The following OR52E5 variants were observed in gnomAD, a reference collection of about 807,000 sequenced individuals.
The protein encoded by OR52E5 is olfactory receptor 52E5.
intron 2 of OR52E5, among the ~76,000 whole-genome samples, chr11:5,896,017 C>CCAGCCTGGGAAA (rs1195211166): frequency 5.3e-5 from 8 of 150,856 alleles, no homozygotes; most frequent in African/African-American, 2.0e-4. Flanking sequence ...CCAGTGTACT[C>CCAGCCTGGGAAA]CAGCCTGGGA....
In OR52E5 at chr11:5,902,508, AC is replaced by A. The variant is rs1847269666; in HGVS notation, c.*750del. The A allele has an allele frequency of 1.4e-5, 2 of 141,794 alleles. No individual in the cohort carries two copies. The highest frequency in any genetic ancestry group is 1.4e-4 in the Admixed American group (2 of 14,010). The allele number at this position is 141,794 out of a possible 1,614,324, so 8.8% of individuals were successfully genotyped here. On this transcript the variant is annotated 3_prime_UTR_variant, in exon 3 of 3. Transcript: ENST00000610445. ...CCTCTTCATGGACCTCTCAGCTCTTACCTTCGTGAAAGAGACTTTCAGTCAG... is the reference window on the plus strand; with the variant it reads ...CCTCTTCATGGACCTCTCAGCTCTTACTTCGTGAAAGAGACTTTCAGTCAG...
intron 2 of OR52E5, among the ~76,000 whole-genome samples, chr11:5,899,297 T>A (rs940841558): frequency 1.3e-5 from 2 of 152,164 alleles, no homozygotes; most frequent in African/African-American, 4.8e-5. Flanking sequence ...AACTTTCCTA[T>A]AATCAGATCC....
intron 2 of OR52E5, among the ~76,000 whole-genome samples, chr11:5,896,643 G>T (rs1847180059): frequency 6.6e-6 from 1 of 152,070 alleles, no homozygotes; most frequent in South Asian, 2.1e-4. Flanking sequence ...TCATGATGAT[G>T]ATTACAGTTA....
In OR52E5 at chr11:5,902,317, C is replaced by T. The variant is rs1847266890; in HGVS notation, c.*557C>T. The T allele has an allele frequency of 1.3e-5, 2 of 152,438 alleles. No individual in the cohort carries two copies. The highest frequency in any genetic ancestry group is 4.8e-5 in the African/African-American group (2 of 41,454). The allele number at this position is 152,438 out of a possible 1,614,324, so 9.4% of individuals were successfully genotyped here. On this transcript the variant is annotated 3_prime_UTR_variant, in exon 3 of 3. Coordinates refer to ENST00000610445, the MANE Select transcript of OR52E5 (RefSeq NM_001005166.5). The stretch of plus-strand genomic sequence containing the variant: ...GTGAATGTTGTGAAAATCTGTGCAG[C>T]TTGTAAAACATTAAAAGATTTGGAA...
intron 2 of OR52E5, among the ~76,000 whole-genome samples, chr11:5,897,480 G>A (rs1253422401): frequency 1.3e-5 from 2 of 152,180 alleles, no homozygotes; most frequent in South Asian, 2.1e-4. Context: ...TTATGGCTGT[G>A]TACTTTTCTA....
At chr11:5,897,795 T>A (rs1564996877) in intron 2 of OR52E5, among the ~76,000 whole-genome samples, 1 of 152,200 alleles carries the variant, frequency 6.6e-6, no homozygotes, top group Non-Finnish European at 1.5e-5. Context: ...TTTTTTCACT[T>A]TTTAATAATA....
rs559274642 is a variant in OR52E5, at chr11:5,901,886, T to C, written c.*126T>C. 259 of 398,848 alleles carry C rather than the reference T, an allele frequency of 6.5e-4. No individual in the cohort carries two copies. Among genetic ancestry groups the C allele is most frequent in the Non-Finnish European group, 6.5e-4 (147 of 225,254 alleles). The allele number at this position is 398,848 out of a possible 1,614,324, so 24.7% of individuals were successfully genotyped here. On this transcript the variant is annotated 3_prime_UTR_variant, in exon 3 of 3. Coordinates refer to ENST00000610445, the MANE Select transcript of OR52E5 (RefSeq NM_001005166.5). The stretch of plus-strand genomic sequence containing the variant: ...TTTCAGTACGGTCTGTTGGAAGTTA[T>C]AGCTCAAAGATTCCAAAACAATCTC...
intron 2 of OR52E5, among the ~76,000 whole-genome samples, chr11:5,900,378 A>G (rs939101263): frequency 1.1e-3 from 3 of 2,754 alleles, no homozygotes; most frequent in Non-Finnish European, 2.1e-3. Context: ...GACATTTTAC[A>G]CACACACACA....
intron 2 of OR52E5, among the ~76,000 whole-genome samples, chr11:5,898,722 T>C (rs1411440445): frequency 2.6e-5 from 4 of 152,218 alleles, no homozygotes; most frequent in African/African-American, 9.6e-5. Flanking sequence ...ATTGTTTTTG[T>C]TGACTTTACC....
chr11:5,900,611 T>C (rs1176371584), intron 2 of OR52E5, 21 bp from the exon 3 acceptor site: 1 of 394,396 alleles, frequency 2.5e-6, no homozygotes, highest in Non-Finnish European at 4.5e-6. Context: ...TTTTTAACTA[T>C]ATTTCATATT....
At chr11:5,897,558 C>A (rs1211114435) in intron 2 of OR52E5, among the ~76,000 whole-genome samples, 2 of 152,170 alleles carry the variant, frequency 1.3e-5, no homozygotes, top group Non-Finnish European at 2.9e-5. Context: ...GATTTCATGA[C>A]TGCTATTGTG....
At position 5,901,007 on chromosome 11, in the gene OR52E5, A is replaced by C. The variant is rs745625220; in HGVS notation, c.231A>C (p.Thr77=). ...MLAGTDLGLS[T]ATIPKMLGIF... ...CCGGCACTGATCTGGGCTTGTCTAC[A>C]GCAACCATCCCCAAGATGCTGGGAA... Residue 77 remains threonine, a synonymous_variant, in exon 3 of 3, where the codon ACA becomes ACC. Coordinates refer to ENST00000610445, the MANE Select transcript of OR52E5 (RefSeq NM_001005166.5). The C allele has an allele frequency of 5.0e-6, 2 of 402,042 alleles. No homozygotes were observed. The highest frequency in any genetic ancestry group is 4.4e-5 in the Admixed American group (1 of 22,728). 24.9% of individuals were successfully genotyped at this position (402,042 alleles called of 1,614,324 possible).
At chr11:5,898,700 C>T (rs1050886979) in intron 2 of OR52E5, among the ~76,000 whole-genome samples, 1 of 152,240 alleles carries the variant, frequency 6.6e-6, no homozygotes, top group South Asian at 2.1e-4. Context: ...ATAAGATATC[C>T]TTACCCAGTT....
intron 2 of OR52E5, among the ~76,000 whole-genome samples, chr11:5,898,423 C>A (rs1041160661): frequency 1.3e-5 from 2 of 152,092 alleles, no homozygotes; most frequent in Admixed American, 6.6e-5. Flanking sequence ...TTTGGCTGCA[C>A]AGAATCTTTT....
At chr11:5,896,734 T>C (rs903918569) in intron 2 of OR52E5, among the ~76,000 whole-genome samples, 1 of 152,170 alleles carries the variant, frequency 6.6e-6, no homozygotes, top group Non-Finnish European at 1.5e-5. Flanking sequence ...GATGTGGTGA[T>C]CATGTGATTA....
At chr11:5,900,355 A>G (rs552003908) in intron 2 of OR52E5, among the ~76,000 whole-genome samples, 1 of 135,720 alleles carries the variant, frequency 7.4e-6, no homozygotes, top group South Asian at 2.5e-4. Flanking sequence ...TTCCTCCTCA[A>G]TCTCAGTCCA....
chr11:5,895,310 A>G (rs1223600672), intron 1 of OR52E5, among the ~76,000 whole-genome samples: 4 of 152,258 alleles, frequency 2.6e-5, no homozygotes, highest in African/African-American at 7.2e-5. Flanking sequence ...TTGAAATTGC[A>G]TATCACAAAA....
In OR52E5 at chr11:5,900,842, G is replaced by A; in HGVS notation, c.66G>A (p.Leu22=). 1 of 401,398 alleles carries A rather than the reference G, an allele frequency of 2.5e-6. No homozygotes were observed. 24.9% of individuals were successfully genotyped at this position (401,398 alleles called of 1,614,324 possible). A position where few individuals can be genotyped will look rare whatever the true frequency, so the allele number is the denominator to read the frequency against. ...STFLVVGVPG[L]EDVHVWIGFP... is the part of the protein sequence containing the mutation. ...TCCTCGTAGTGGGGGTCCCAGGGCT[G>A]GAAGATGTGCATGTATGGATTGGCT... is the stretch of plus-strand genomic sequence containing the variant. Residue 22 remains leucine, a synonymous_variant, in exon 3 of 3, where the codon CTG becomes CTA. Coordinates refer to ENST00000610445, the MANE Select transcript of OR52E5 (RefSeq NM_001005166.5).
rs1410180289 is a variant in OR52E5, at chr11:5,901,782, A to C, written c.*22A>C. Reference sequence around the variant, plus strand: ...ATAATGAGATCATAACAAAATAAACACTGGAAACATTTTTTTTACTACTTC... The same window carrying C: ...ATAATGAGATCATAACAAAATAAACCCTGGAAACATTTTTTTTACTACTTC... On this transcript the variant is annotated 3_prime_UTR_variant, in exon 3 of 3. Transcript: ENST00000610445. 2 of 399,908 alleles carry C rather than the reference A, an allele frequency of 5.0e-6. No individual in the cohort carries two copies. Among genetic ancestry groups the C allele is most frequent in the Non-Finnish European group, 8.8e-6 (2 of 226,118 alleles). 24.8% of individuals were successfully genotyped at this position (399,908 alleles called of 1,614,324 possible). A position where few individuals can be genotyped will look rare whatever the true frequency, so the allele number is the denominator to read the frequency against.
Sources: gnomAD v4.1 joint callset for allele counts (sites outside exome capture counted in the v4.1 genomes callset) on GRCh38, gnomAD v4.1.1 for gene constraint, MANE v1.5 for transcripts, NCBI Gene and HGNC (gene_info 2026-07-23, HGNC 2026-07-21) for gene names.